Variants in PPP4R2 observed in about 807,000 individuals in gnomAD.
The protein encoded by PPP4R2 is serine/threonine-protein phosphatase 4 regulatory subunit 2.
PPP4R2 carries 13 observed loss-of-function variants against 47.2 expected under a neutral mutation model. The observed-to-expected ratio is 0.28, with a 90% CI of 0.18 to 0.44. PPP4R2 has a LOEUF of 0.44. Among genes scored for constraint, PPP4R2 ranks in the 20% least tolerant of loss-of-function variants. PPP4R2 has a pLI of 1.00. For synonymous variants in PPP4R2, 151 were observed against 163.3 expected, an observed-to-expected ratio of 0.92 and a Z score of 0.57; for missense variants, 421 against 491.2, an observed-to-expected ratio of 0.86 and a Z score of 1.35.
intron 1 of PPP4R2, 161 bp downstream of exon 1, chr3:72,997,232 G>A (rs1238898014): frequency 2.1e-6 from 1 of 474,748 alleles, no homozygotes; most frequent in Non-Finnish European, 3.6e-6. Context: ...GGGGAGCCCT[G>A]TGGGCAGCTC....
chr3:73,046,238 A>G (rs1327834294), intron 2 of PPP4R2, among the ~76,000 whole-genome samples: 1 of 152,170 alleles, frequency 6.6e-6, no homozygotes, highest in African/African-American at 2.4e-5. Flanking sequence ...TTCTTTTGAC[A>G]ATAGCTTTGA....
At chr3:73,048,626 A>G (rs895967789) in intron 3 of PPP4R2, among the ~76,000 whole-genome samples, 1 of 152,206 alleles carries the variant, frequency 6.6e-6, no homozygotes, top group African/African-American at 2.4e-5. Flanking sequence ...TTCGATATTT[A>G]GTTTGGCGTT....
intron 2 of PPP4R2, among the ~76,000 whole-genome samples, chr3:73,004,944 CGTGTGTG>C (rs1375210343): frequency 3.4e-5 from 4 of 116,950 alleles, no homozygotes; most frequent in Admixed American, 1.8e-4. Flanking sequence ...GAGTCGGAGT[CGTGTGTG>C]TGTGTGTGTG....
chr3:73,000,703 AAAAT>A (rs1701440703), intron 2 of PPP4R2, among the ~76,000 whole-genome samples: 1 of 152,202 alleles, frequency 6.6e-6, no homozygotes, highest in Non-Finnish European at 1.5e-5. Context: ...GTATATAACT[AAAAT>A]AATTAATCCC....
chr3:73,035,625 C>A (rs917200630), intron 2 of PPP4R2, among the ~76,000 whole-genome samples: 3 of 150,962 alleles, frequency 2.0e-5, no homozygotes, highest in African/African-American at 7.3e-5. Context: ...CCTGCACTTT[C>A]TTTTTTTTTC....
chr3:73,030,508 G>A (rs1165822132), intron 2 of PPP4R2, among the ~76,000 whole-genome samples: 1 of 152,076 alleles, frequency 6.6e-6, no homozygotes, highest in African/African-American at 2.4e-5. Context: ...GATAATGTCT[G>A]GTAGCATTTG....
intron 2 of PPP4R2, among the ~76,000 whole-genome samples, chr3:73,009,875 TTCGTTTGC>T (rs1374528722): frequency 1.3e-5 from 2 of 152,216 alleles, no homozygotes; most frequent in East Asian, 3.8e-4. Flanking sequence ...CTCTGATGTG[TTCGTTTGC>T]TTGTCTTCTC....
chr3:72,999,368 C>T (rs2107192125), intron 2 of PPP4R2, among the ~76,000 whole-genome samples: 1 of 152,232 alleles, frequency 6.6e-6, no homozygotes, highest in South Asian at 2.1e-4. Flanking sequence ...GACCACATGC[C>T]ATCTTTCAAA....
intron 2 of PPP4R2, among the ~76,000 whole-genome samples, chr3:73,021,320 A>G (rs1046343582): frequency 2.6e-5 from 4 of 151,552 alleles, no homozygotes; most frequent in Admixed American, 1.3e-4. Flanking sequence ...TGTAGCCTCA[A>G]TCTCCCTGGC....
chr3:72,999,764 C>T (rs571905763), intron 2 of PPP4R2, among the ~76,000 whole-genome samples: 1 of 152,180 alleles, frequency 6.6e-6, no homozygotes, highest in African/African-American at 2.4e-5. Context: ...TCCTCCACCC[C>T]ATATTCGGTG....
At chr3:73,060,483 G>C (rs1468473076) in intron 4 of PPP4R2, among the ~76,000 whole-genome samples, 1 of 151,998 alleles carries the variant, frequency 6.6e-6, no homozygotes, top group East Asian at 1.9e-4. Flanking sequence ...GCTGGGAGGG[G>C]GATTAAATGC....
intron 2 of PPP4R2, among the ~76,000 whole-genome samples, chr3:73,045,989 A>G (rs1702478466): frequency 6.6e-6 from 1 of 152,210 alleles, no homozygotes. Flanking sequence ...GTTACACAGA[A>G]TATGTAAAAG....
chr3:73,040,306 A>T (rs1310428647), intron 2 of PPP4R2, among the ~76,000 whole-genome samples: 2 of 152,188 alleles, frequency 1.3e-5, no homozygotes, highest in Non-Finnish European at 2.9e-5. Context: ...AAAGTATGGT[A>T]CATGGTGTCT....
intron 2 of PPP4R2, among the ~76,000 whole-genome samples, chr3:73,003,210 C>T (rs916201835): frequency 1.5e-5 from 2 of 134,714 alleles, no homozygotes; most frequent in African/African-American, 5.7e-5. Flanking sequence ...ACGTAACTTT[C>T]CCTTTTGTTT....
chr3:73,005,860 G>A (rs1416288589), intron 2 of PPP4R2, among the ~76,000 whole-genome samples: 4 of 134,770 alleles, frequency 3.0e-5, no homozygotes, highest in African/African-American at 1.1e-4. Context: ...GTGTTATTGA[G>A]GTATAATTGA....
intron 2 of PPP4R2, among the ~76,000 whole-genome samples, chr3:73,003,588 A>G (rs532830586): frequency 6.6e-6 from 1 of 152,094 alleles, no homozygotes; most frequent in South Asian, 2.1e-4. Context: ...TCCTTATGTC[A>G]TTGTCATTGT....
chr3:73,021,713 A>G (rs947426894), intron 2 of PPP4R2, among the ~76,000 whole-genome samples: 10 of 152,076 alleles, frequency 6.6e-5, no homozygotes, highest in African/African-American at 2.4e-4. Context: ...GTATCACTTA[A>G]GTCAACAAAT....
At chr3:73,048,280 A>C (rs1702529951) in intron 3 of PPP4R2, among the ~76,000 whole-genome samples, 1 of 152,026 alleles carries the variant, frequency 6.6e-6, no homozygotes, top group Non-Finnish European at 1.5e-5. Flanking sequence ...TTTGAGACAG[A>C]GTCTCGCTGT....
At chr3:73,061,241 G>GT (rs758238319) in intron 5 of PPP4R2, 181 bp downstream of exon 5, 13 of 314,194 alleles carry the variant, frequency 4.1e-5, no homozygotes, top group Non-Finnish European at 6.3e-5. Context: ...TTATCTATAT[G>GT]TTTTTTCCAT....
Sources: gnomAD v4.1 joint callset for allele counts (sites outside exome capture counted in the v4.1 genomes callset) on GRCh38, gnomAD v4.1.1 for gene constraint, MANE v1.5 for transcripts, NCBI Gene and HGNC (gene_info 2026-07-23, HGNC 2026-07-21) for gene names.